WWC2: variants seen among roughly 807,000 people sequenced by gnomAD.
WWC2 encodes protein WWC2.
A neutral mutation model predicts 138.5 loss-of-function variants in WWC2; 101 were observed. The ratio of observed to expected loss-of-function variants is 0.73; its 90% confidence interval spans 0.62 to 0.86. The LOEUF (loss-of-function observed/expected upper bound fraction) is 0.86. WWC2 is among the 40% of genes least tolerant of loss of function. The probability of loss-of-function intolerance (pLI) is 0.00; values close to 1 mark genes in which losing one functional copy is unlikely to be tolerated. For synonymous variants in WWC2, 558 were observed against 538.4 expected, an observed-to-expected ratio of 1.04 and a Z score of -0.50; for missense variants, 1,420 against 1,419.4, an observed-to-expected ratio of 1.00 and a Z score of -0.01.
intron 12 of WWC2, 49 bp downstream of exon 12, chr4:183,265,156 G>A (rs767077656): frequency 1.6e-5 from 25 of 1,566,788 alleles, no homozygotes; most frequent in South Asian, 1.3e-4. Context: ...CTCCATCGCC[G>A]TGGATGTGGG....
At chr4:183,105,718 G>T (rs55775089) in intron 1 of WWC2, among the ~76,000 whole-genome samples, 1 of 152,026 alleles carries the variant, frequency 6.6e-6, no homozygotes, top group Admixed American at 6.6e-5. Context: ...GTGAAACCCT[G>T]TCTCTACTAA....
At chr4:183,257,987 C>T (rs957170157) in intron 9 of WWC2, among the ~76,000 whole-genome samples, 1 of 152,186 alleles carries the variant, frequency 6.6e-6, no homozygotes, top group Admixed American at 6.5e-5. Context: ...CGAGCATCAC[C>T]TGGAGAAGGC....
At chr4:183,165,610 C>T (rs6552645) in intron 1 of WWC2, among the ~76,000 whole-genome samples, 150,575 of 152,284 alleles carry the variant, frequency 0.99, 74,467 homozygotes, top group Middle Eastern at 1. Flanking sequence ...TTTCCTGTTA[C>T]ATAAATGCTA....
chr4:183,118,857 A>C (rs1732506600), intron 1 of WWC2, among the ~76,000 whole-genome samples: 1 of 152,216 alleles, frequency 6.6e-6, no homozygotes, highest in Non-Finnish European at 1.5e-5. Flanking sequence ...ATTGTGACCA[A>C]AAAGAAGCTG....
intron 1 of WWC2, among the ~76,000 whole-genome samples, chr4:183,135,396 T>C (rs1733078110): frequency 6.6e-6 from 1 of 152,108 alleles, no homozygotes. Context: ...TTTTGGTGGC[T>C]ACCCTACAAA....
At chr4:183,174,779 CCTCCTT>C (rs750358494) in intron 1 of WWC2, among the ~76,000 whole-genome samples, 17 of 152,088 alleles carry the variant, frequency 1.1e-4, no homozygotes, top group South Asian at 2.1e-4. Context: ...TTCCTCCTCT[CCTCCTT>C]CTCCTTCTCC....
At chr4:183,230,220 CA>C (rs1736202240) in intron 4 of WWC2, among the ~76,000 whole-genome samples, 1 of 151,704 alleles carries the variant, frequency 6.6e-6, no homozygotes, top group Admixed American at 6.6e-5. Flanking sequence ...TGGGGAAATT[CA>C]AAAAAGTCTG....
At chr4:183,305,498 T>G (rs1313684773) in intron 21 of WWC2, among the ~76,000 whole-genome samples, 3 of 151,258 alleles carry the variant, frequency 2.0e-5, no homozygotes, top group African/African-American at 7.3e-5. Flanking sequence ...ATTAAAAAAT[T>G]TTGAAAGAAG....
At chr4:183,167,906 A>G (rs1580006341) in intron 1 of WWC2, among the ~76,000 whole-genome samples, 1 of 140,576 alleles carries the variant, frequency 7.1e-6, no homozygotes, top group Admixed American at 7.5e-5. Flanking sequence ...ACCAGGCTGG[A>G]GTGCAGTGAT....
At chr4:183,234,362 G>T (rs7688139) in intron 4 of WWC2, among the ~76,000 whole-genome samples, 19,905 of 152,166 alleles carry the variant, frequency 0.13, 1,480 homozygotes, top group East Asian at 0.22. Context: ...AAATTAGGTG[G>T]TTAGCTACAG....
intron 6 of WWC2, among the ~76,000 whole-genome samples, chr4:183,246,278 T>C (rs959777101): frequency 3.9e-5 from 6 of 152,094 alleles, no homozygotes; most frequent in Non-Finnish European, 7.4e-5. Flanking sequence ...TCCCAAACAC[T>C]AAGAATTCTT....
intron 1 of WWC2, among the ~76,000 whole-genome samples, chr4:183,179,715 A>G (rs1022459170): frequency 1.3e-5 from 2 of 152,028 alleles, no homozygotes; most frequent in Admixed American, 6.6e-5. Flanking sequence ...GTTGTTTTTT[A>G]TGAGTTGTTT....
chr4:183,269,539 G>A (rs1737631036), intron 15 of WWC2: 2 of 477,828 alleles, frequency 4.2e-6, no homozygotes, highest in Non-Finnish European at 8.6e-6. Context: ...ATGACAACCT[G>A]ATGAAAGATT....
At chr4:183,254,782 T>C (rs1041590436) in intron 9 of WWC2, among the ~76,000 whole-genome samples, 1 of 152,174 alleles carries the variant, frequency 6.6e-6, no homozygotes, top group Non-Finnish European at 1.5e-5. Flanking sequence ...CAGTGCCTGT[T>C]TCAGGGTGAT....
Position 183,152,528 on chromosome 4 carries a change from C to T in WWC2, c.132-41071C>T, listed in dbSNP as rs1263626984. 1.4e-4 allele frequency among the ~76,000 whole-genome samples: 18 copies of T among 131,580 alleles called. 1 individual carries two copies. The East Asian group carries it at 3.5e-3, about 26-fold the overall frequency. The allele number at this position is 131,580 out of a possible 152,430, so 86.3% of individuals were successfully genotyped here. A position where few individuals can be genotyped will look rare whatever the true frequency, so the allele number is the denominator to read the frequency against. ...AAAAAAGAAAAAAGGTAAAGTGAAA[C>T]TTAAAAAAAAAAAAAAAACGCACAC... is the stretch of plus-strand genomic sequence containing the variant. On this transcript the variant is annotated intron_variant, in intron 1 of 22. Transcript: ENST00000403733.
At chr4:183,224,881 T>G (rs1037941950) in intron 4 of WWC2, among the ~76,000 whole-genome samples, 3 of 152,174 alleles carry the variant, frequency 2.0e-5, no homozygotes, top group Admixed American at 6.5e-5. Context: ...GGTTTTAAAG[T>G]ATCAATTTGT....
Position 183,312,388 on chromosome 4 carries a change from G to A in WWC2, c.3432G>A (p.Lys1144=), listed in dbSNP as rs752121669. Residue 1144 remains lysine, a synonymous_variant, in exon 22 of 23, where the codon AAG becomes AAA. Transcript: ENST00000403733. The part of the protein sequence containing the change: ...EEQKQGLNAE[K]LMRQVSKDVC... ...AGAAGCAAGGTCTGAATGCAGAGAA[G>A]TTGATGAGGCAAGTCTCCAAGGACG... The A allele has an allele frequency of 1.2e-6, 2 of 1,613,874 alleles. No homozygotes were observed. The highest frequency in any genetic ancestry group is 1.7e-6 in the Non-Finnish European group (2 of 1,179,814).
intron 1 of WWC2, among the ~76,000 whole-genome samples, chr4:183,190,844 A>G (rs1734969183): frequency 6.6e-6 from 1 of 152,210 alleles, no homozygotes; most frequent in Non-Finnish European, 1.5e-5. Flanking sequence ...ATCATAGCAC[A>G]TGCTCTCAAG....
At chr4:183,116,397 A>G (rs1158738340) in intron 1 of WWC2, among the ~76,000 whole-genome samples, 2 of 152,322 alleles carry the variant, frequency 1.3e-5, no homozygotes, top group Admixed American at 6.5e-5. Context: ...CTTAGTAACT[A>G]TTGAATAAAA....
Sources: allele counts gnomAD v4.1 joint callset (sites outside exome capture counted in the v4.1 genomes callset), GRCh38; gene constraint gnomAD v4.1.1; transcripts MANE v1.5; gene names NCBI Gene and HGNC (gene_info 2026-07-23, HGNC 2026-07-21).